CSRP3: variants seen among roughly 807,000 people sequenced by gnomAD.
CSRP3 encodes the protein cysteine and glycine-rich protein 3.
CSRP3 carries 24 observed loss-of-function variants against 24.3 expected under a neutral mutation model. The ratio of observed to expected loss-of-function variants is 0.99; its 90% CI spans 0.71 to 1.39. The LOEUF (loss-of-function observed/expected upper bound fraction) is 1.39. Ranked by LOEUF, CSRP3 falls within the 40% of genes most tolerant of loss-of-function variation. The probability of loss-of-function intolerance (pLI) is 0.00; values close to 1 mark genes in which losing one functional copy is unlikely to be tolerated. For synonymous variants in CSRP3, 105 were observed against 94.0 expected, an observed-to-expected ratio of 1.12 and a Z score of -0.68; for missense variants, 240 against 249.0, an observed-to-expected ratio of 0.96 and a Z score of 0.24.
chr11:19,191,010 C>A (rs543186245), intron 2 of CSRP3, among the ~76,000 whole-genome samples: 1 of 152,186 alleles, frequency 6.6e-6, no homozygotes, highest in African/African-American at 2.4e-5. Flanking sequence ...CCTGTTCCCA[C>A]GCAGTTACCA....
At chr11:19,192,178 C>T (rs1850626291) in intron 2 of CSRP3, among the ~76,000 whole-genome samples, 159 bp downstream of exon 2, 1 of 151,952 alleles carries the variant, frequency 6.6e-6, no homozygotes, top group South Asian at 2.1e-4. Flanking sequence ...TTGGTGGAGC[C>T]CAAGAGTTAA....
chr11:19,188,706 T>C (rs1412911606), intron 2 of CSRP3, among the ~76,000 whole-genome samples: 1 of 151,828 alleles, frequency 6.6e-6, no homozygotes, highest in Non-Finnish European at 1.5e-5. Flanking sequence ...AAACTTACTT[T>C]TTTCTTAATC....
At chr11:19,186,081 A>C in intron 4 of CSRP3, 135 bp downstream of exon 4, 1 of 1,115,862 alleles carries the variant, frequency 9.0e-7, no homozygotes, top group Non-Finnish European at 1.4e-6. Flanking sequence ...GTGGCTGAGG[A>C]TGTGTGGTTT....
chr11:19,191,522 C>G (rs2133515214), intron 2 of CSRP3, among the ~76,000 whole-genome samples: 1 of 152,280 alleles, frequency 6.6e-6, no homozygotes, highest in East Asian at 1.9e-4. Context: ...CCAAACAGGA[C>G]TAGCTGCCAG....
At chr11:19,198,535 G>T (rs1278678468) in intron 1 of CSRP3, among the ~76,000 whole-genome samples, 4 of 152,360 alleles carry the variant, frequency 2.6e-5, no homozygotes, top group Non-Finnish European at 5.9e-5. Context: ...GGTGGGGACG[G>T]ATGTCCAAGT....
chr11:19,183,725 T>A (rs1850476785), intron 5 of CSRP3, among the ~76,000 whole-genome samples: 1 of 152,220 alleles, frequency 6.6e-6, no homozygotes, highest in Non-Finnish European at 1.5e-5. Flanking sequence ...CAATCATCTG[T>A]CAGATAGTGA....
At chr11:19,200,495 T>G (rs1042687385) in intron 1 of CSRP3, among the ~76,000 whole-genome samples, 1 of 152,076 alleles carries the variant, frequency 6.6e-6, no homozygotes, top group Non-Finnish European at 1.5e-5. Flanking sequence ...CTTCTCTCTT[T>G]CCTTCCCCCC....
chr11:19,187,529 G>A (rs917430762), intron 3 of CSRP3, among the ~76,000 whole-genome samples: 5 of 152,226 alleles, frequency 3.3e-5, no homozygotes, highest in Admixed American at 6.5e-5. Flanking sequence ...GTGGACCCAG[G>A]GGACCAGACT....
rs1248208284 is a variant in CSRP3 at position 19,191,586 on chromosome 11, G to T, written c.112+751C>A. Among the ~76,000 whole-genome samples, 3 of 152,262 alleles carry T rather than the reference G, an allele frequency of 2.0e-5. No individual in the cohort carries two copies. In the East Asian group the frequency reaches 5.8e-4, roughly 29 times the overall value. Reference sequence around the variant, plus strand: ...AGAGCACTGGACATGGAGTCTAAAGGTAGAGGTTCATGTATAAGACTCTAT... The same window carrying T: ...AGAGCACTGGACATGGAGTCTAAAGTTAGAGGTTCATGTATAAGACTCTAT... On this transcript the variant is annotated intron_variant, in intron 2 of 5. Transcript: ENST00000265968.
Position 19,182,074 on chromosome 11 carries a change from T to C in CSRP3, c.*596A>G, listed in dbSNP as rs1263294989. 1 of 153,236 alleles carries C rather than the reference T, an allele frequency of 6.5e-6. No homozygotes were observed. Among genetic ancestry groups the C allele is most frequent in the African/African-American group, 2.4e-5 (1 of 41,474 alleles). 9.5% of individuals were successfully genotyped at this position (153,236 alleles called of 1,614,324 possible). A position where few individuals can be genotyped will look rare whatever the true frequency, so the allele number is the denominator to read the frequency against. On this transcript the variant is annotated 3_prime_UTR_variant, in exon 6 of 6. Transcript: ENST00000265968. ...AAATGCCACGCTTTATTGTCATTTC[T>C]GAGTTTTCACGAGATGTGTAACATT...
chr11:19,188,934 T>A (rs1042573327), intron 2 of CSRP3, among the ~76,000 whole-genome samples: 1 of 152,048 alleles, frequency 6.6e-6, no homozygotes, highest in Non-Finnish European at 1.5e-5. Context: ...TATCCTCCAG[T>A]ATAAGGCAAT....
Position 19,188,106 on chromosome 11 carries a change from C to T in CSRP3, c.281+30G>A, listed in dbSNP as rs372314547. On this transcript the variant is annotated intron_variant, in intron 3 of 5. Transcript: ENST00000265968. ...CTGTCCTGATAATTGGAGACTTTAA[C>T]AGGCAAGGGGGAGCAGGGCAGTAAC... 7.4e-6 allele frequency: 12 copies of T among 1,613,958 alleles called. No homozygotes were observed. The African/African-American group carries it at 1.2e-4, about 16-fold the overall frequency.
intron 2 of CSRP3, 54 bp from the exon 3 acceptor site, chr11:19,188,358 T>G: frequency 6.3e-7 from 1 of 1,591,434 alleles, no homozygotes. Context: ...TCTCCCCTTC[T>G]TTGCACTCCC....
intron 2 of CSRP3, among the ~76,000 whole-genome samples, chr11:19,191,695 T>C (rs569423080): frequency 6.6e-6 from 1 of 152,006 alleles, no homozygotes; most frequent in South Asian, 2.1e-4. Flanking sequence ...ACTCACAAGG[T>C]CTCAAGGTTC....
At chr11:19,200,098 C>T (rs557775488) in intron 1 of CSRP3, among the ~76,000 whole-genome samples, 1 of 152,302 alleles carries the variant, frequency 6.6e-6, no homozygotes, top group South Asian at 2.1e-4. Context: ...CAGGAAACCC[C>T]CCCAAAACCC....
At chr11:19,192,514 GC>G in intron 1 of CSRP3, 38 bp from the exon 2 acceptor site, 1 of 1,311,422 alleles carries the variant, frequency 7.6e-7, no homozygotes, top group Non-Finnish European at 1.1e-6. Context: ...CATTGAAGTG[GC>G]CCCAGGAGTG....
chr11:19,194,377 T>C (rs1382114557), intron 1 of CSRP3, among the ~76,000 whole-genome samples: 1 of 152,100 alleles, frequency 6.6e-6, no homozygotes, highest in Non-Finnish European at 1.5e-5. Context: ...AGAAAAGAAC[T>C]TTAAAAAAGG....
chr11:19,186,244 G>A lies in CSRP3; in HGVS notation c.386C>T (p.Ala129Val), dbSNP rs760292738. The change falls in exon 4 of 6, where the codon GCT becomes GTT. Residue 129 changes from alanine (A) to valine (V), a missense_variant. Physicochemically the swap from Ala to Val is moderately conservative, Grantham distance 64. Transcript: ENST00000265968. ...KCPRCGKSVY[A>V]AEKVMGGGKP... ...GCCACCTCCCATAACCTTCTCAGCA[G>A]CATAGACTGACTTGCCACATCGAGG... is the stretch of plus-strand genomic sequence containing the variant. The A allele has an allele frequency of 6.2e-7, 1 of 1,614,202 alleles. No homozygotes were observed. Among genetic ancestry groups the A allele is most frequent in the Admixed American group, 1.7e-5 (1 of 60,030 alleles).
chr11:19,186,888 A>G (rs574242425), intron 3 of CSRP3, among the ~76,000 whole-genome samples: 1 of 152,224 alleles, frequency 6.6e-6, no homozygotes, highest in Admixed American at 6.5e-5. Flanking sequence ...CCAGGAGAAC[A>G]ATGTCCAAAA....
Sources: allele counts gnomAD v4.1 joint callset (sites outside exome capture counted in the v4.1 genomes callset), GRCh38; gene constraint gnomAD v4.1.1; transcripts MANE v1.5; gene names NCBI Gene and HGNC (gene_info 2026-07-23, HGNC 2026-07-21).